The following AHI1 variants were observed in gnomAD, a reference collection of about 807,000 sequenced individuals.
AHI1 encodes the protein jouberin.
AHI1 carries 123 observed loss-of-function variants against 149.3 expected under a neutral mutation model. The ratio of observed to expected loss-of-function variants is 0.82; its 90% CI spans 0.71 to 0.96. The LOEUF is 0.96. AHI1 is among the 40% of genes least tolerant of loss of function. The pLI is 0.00. For synonymous variants in AHI1, 475 were observed against 459.8 expected, an observed-to-expected ratio of 1.03 and a Z score of -0.42; for missense variants, 1,439 against 1,422.7, an observed-to-expected ratio of 1.01 and a Z score of -0.18.
intron 7 of AHI1, among the ~76,000 whole-genome samples, chr6:135,464,882 C>T (rs1402521059): frequency 6.6e-6 from 1 of 152,186 alleles, no homozygotes; most frequent in Non-Finnish European, 1.5e-5. Flanking sequence ...GACAGAGACA[C>T]CCAGTGAAGT....
chr6:135,488,274 C>A (rs1794761765), intron 5 of AHI1, among the ~76,000 whole-genome samples: 2 of 152,030 alleles, frequency 1.3e-5, no homozygotes, highest in African/African-American at 4.8e-5. Context: ...TAGTACTGTC[C>A]CGGGATACTT....
chr6:135,367,509 C>T lies in AHI1; in HGVS notation c.3110-9322G>A, dbSNP rs534823178. Among the ~76,000 whole-genome samples, 6 of 151,998 alleles carry T rather than the reference C, an allele frequency of 3.9e-5. No individual in the cohort carries two copies. In the East Asian group the frequency reaches 9.7e-4, roughly 24 times the overall value. On this transcript the variant is annotated intron_variant, in intron 23 of 28. Coordinates refer to ENST00000265602, the MANE Select transcript of AHI1 (RefSeq NM_001134831.2). ...AACACCAATTATTCTTAGATTTGGT[C>T]ATTTAACATAATACCAAACTTCTGA...
intron 26 of AHI1, chr6:135,300,869 A>G (rs1783787854): frequency 1.9e-6 from 2 of 1,055,156 alleles, no homozygotes; most frequent in South Asian, 3.8e-5. Context: ...ATCTCCCAAT[A>G]CAATGTGGTA....
At chr6:135,364,301 G>T (rs1170747122) in intron 23 of AHI1, among the ~76,000 whole-genome samples, 4 of 150,418 alleles carry the variant, frequency 2.7e-5, no homozygotes, top group Non-Finnish European at 5.9e-5. Context: ...ATGGGCGGCC[G>T]GGCAGAGACG....
intron 23 of AHI1, among the ~76,000 whole-genome samples, chr6:135,368,716 C>T (rs1774576148): frequency 6.6e-6 from 1 of 151,950 alleles, no homozygotes; most frequent in East Asian, 1.9e-4. Context: ...AGTTCCCATG[C>T]ATCCCAAAAT....
At chr6:135,342,277 G>A (rs1167402630) in intron 24 of AHI1, among the ~76,000 whole-genome samples, 1 of 151,772 alleles carries the variant, frequency 6.6e-6, no homozygotes, top group East Asian at 1.9e-4. Context: ...GGCCAATAAA[G>A]AGATTAAACC....
chr6:135,288,909 T>C (rs1202249857), intron 28 of AHI1, among the ~76,000 whole-genome samples: 1 of 152,054 alleles, frequency 6.6e-6, no homozygotes, highest in African/African-American at 2.4e-5. Context: ...CTTATAGTAT[T>C]ACCAGCAGTG....
At chr6:135,443,744 T>A (rs77642879) in intron 13 of AHI1, among the ~76,000 whole-genome samples, 3,094 of 152,248 alleles carry the variant, frequency 0.02, 38 homozygotes, top group South Asian at 0.039. Context: ...AAGAATTTGT[T>A]AAGTGTCAAT....
chr6:135,286,810 G>A (rs2128337134), intron 28 of AHI1, among the ~76,000 whole-genome samples: 1 of 152,298 alleles, frequency 6.6e-6, no homozygotes, highest in East Asian at 1.9e-4. Flanking sequence ...TTCTAGTGAA[G>A]CTCATGAATG....
intron 11 of AHI1, among the ~76,000 whole-genome samples, chr6:135,449,950 T>C (rs928222100): frequency 6.6e-6 from 1 of 152,200 alleles, no homozygotes; most frequent in Non-Finnish European, 1.5e-5. Flanking sequence ...CAGATGGTGG[T>C]ACCACCAATT....
chr6:135,459,228 C>T (rs749009217), intron 8 of AHI1, among the ~76,000 whole-genome samples: 131 of 152,128 alleles, frequency 8.6e-4, no homozygotes, highest in Non-Finnish European at 9.3e-4. Flanking sequence ...TAAAAGATAA[C>T]TAGAAAAGCA....
At chr6:135,286,921 C>T (rs954872795) in intron 28 of AHI1, among the ~76,000 whole-genome samples, 17 of 151,916 alleles carry the variant, frequency 1.1e-4, no homozygotes, top group Admixed American at 8.5e-4. Context: ...AGAAAAAGTA[C>T]GTAAAACTTT....
chr6:135,466,663 CTATTTTCCTCATACA>C (rs199530176), intron 6 of AHI1, among the ~76,000 whole-genome samples: 2,421 of 151,860 alleles, frequency 0.016, 24 homozygotes, highest in Non-Finnish European at 0.026. Context: ...ATCTCAAATG[CTATTTTCCTCATACA>C]TATTTTCCTC....
Position 135,427,155 on chromosome 6 carries a change from TG to T in AHI1, c.2764+11del. ...CTCTAAAAATTCTTTACTTATCAAG[TG>T]GTAGACTTACCATGGAAATCGTAAA... On this transcript the variant is annotated intron_variant, in intron 20 of 28. Transcript: ENST00000265602. The T allele has an allele frequency of 1.9e-6, 3 of 1,607,510 alleles. No homozygotes were observed. Among genetic ancestry groups the T allele is most frequent in the Non-Finnish European group, 2.6e-6 (3 of 1,175,974 alleles).
intron 14 of AHI1, among the ~76,000 whole-genome samples, chr6:135,440,664 T>C (rs1036150965): frequency 6.6e-6 from 1 of 152,086 alleles, no homozygotes; most frequent in African/African-American, 2.4e-5. Context: ...CAAAGACCAG[T>C]AGACCTATCC....
intron 24 of AHI1, among the ~76,000 whole-genome samples, chr6:135,353,041 C>G (rs1362887214): frequency 2.6e-5 from 4 of 151,352 alleles, no homozygotes; most frequent in African/African-American, 9.7e-5. Flanking sequence ...GAAAAAAAGT[C>G]TAAGAAAAAC....
intron 5 of AHI1, among the ~76,000 whole-genome samples, chr6:135,481,858 G>A (rs1175768975): frequency 6.7e-6 from 1 of 149,382 alleles, no homozygotes; most frequent in Non-Finnish European, 1.5e-5. Flanking sequence ...TGAGGACCGA[G>A]AATTTTAGGT....
chr6:135,391,682 C>G (rs1458700717), intron 23 of AHI1, among the ~76,000 whole-genome samples: 1 of 152,164 alleles, frequency 6.6e-6, no homozygotes. Context: ...ACTCAAACCA[C>G]TCCCCAGCCA....
chr6:135,382,773 A>C (rs1258761538), intron 23 of AHI1, among the ~76,000 whole-genome samples: 1 of 151,524 alleles, frequency 6.6e-6, no homozygotes, highest in African/African-American at 2.4e-5. Context: ...AGGATTTACA[A>C]AGGAAATAAA....
Sources: allele counts gnomAD v4.1 joint callset (sites outside exome capture counted in the v4.1 genomes callset), GRCh38; gene constraint gnomAD v4.1.1; transcripts MANE v1.5; gene names NCBI Gene and HGNC (gene_info 2026-07-23, HGNC 2026-07-21).